MCTP1: variants seen among roughly 807,000 people sequenced by gnomAD.
MCTP1 encodes the protein multiple C2 and transmembrane domain containing 1.
Under a neutral mutation model 120.6 loss-of-function variants are expected in MCTP1, and 69 were observed. That is an observed-to-expected ratio of 0.57 (90% CI 0.47 to 0.70). The LOEUF (loss-of-function observed/expected upper bound fraction) is 0.70. Among genes scored for constraint, MCTP1 ranks in the 30% least tolerant of loss-of-function variants. The probability of loss-of-function intolerance (pLI) is 0.00; values close to 1 mark genes in which losing one functional copy is unlikely to be tolerated. For synonymous variants in MCTP1, 529 were observed against 493.1 expected, an observed-to-expected ratio of 1.07 and a Z score of -0.96; for missense variants, 1,203 against 1,248.8, an observed-to-expected ratio of 0.96 and a Z score of 0.55.
chr5:95,036,351 G>T (rs1841289985), intron 1 of MCTP1, among the ~76,000 whole-genome samples: 1 of 152,120 alleles, frequency 6.6e-6, no homozygotes, highest in Admixed American at 6.6e-5. Flanking sequence ...CAGATGCTTT[G>T]CTTGATGCTA....
chr5:94,909,006 C>CT (rs1289234094), intron 10 of MCTP1, among the ~76,000 whole-genome samples: 1 of 152,028 alleles, frequency 6.6e-6, no homozygotes, highest in Non-Finnish European at 1.5e-5. Flanking sequence ...ACTCCCATAA[C>CT]TTTGACATCT....
intron 1 of MCTP1, among the ~76,000 whole-genome samples, chr5:95,058,745 T>C (rs999811038): frequency 2.6e-5 from 4 of 152,042 alleles, no homozygotes; most frequent in African/African-American, 7.2e-5. Flanking sequence ...TTGTAGATCT[T>C]CCTGCTACAC....
intron 2 of MCTP1, among the ~76,000 whole-genome samples, chr5:95,015,953 T>C (rs2153665254): frequency 6.6e-6 from 1 of 152,208 alleles, no homozygotes. Context: ...CTGAGAGTAC[T>C]TTGAAAACTA....
At chr5:94,858,609 T>C (rs1416778334) in intron 17 of MCTP1, among the ~76,000 whole-genome samples, 2 of 151,674 alleles carry the variant, frequency 1.3e-5, no homozygotes, top group African/African-American at 4.8e-5. Context: ...TTCACCTTTC[T>C]TCTCATTGTT....
chr5:94,721,042 T>C (rs1314075580), intron 19 of MCTP1, among the ~76,000 whole-genome samples: 2 of 152,170 alleles, frequency 1.3e-5, no homozygotes, highest in African/African-American at 2.4e-5. Context: ...CCATATGACC[T>C]TCCTATTCAA....
intron 19 of MCTP1, among the ~76,000 whole-genome samples, chr5:94,724,252 A>G (rs1006111474): frequency 6.6e-6 from 1 of 152,008 alleles, no homozygotes; most frequent in Non-Finnish European, 1.5e-5. Flanking sequence ...AGAACCCCCC[A>G]ACTTTTGCTT....
chr5:94,964,278 A>C (rs1032998357), intron 2 of MCTP1, among the ~76,000 whole-genome samples: 2 of 152,162 alleles, frequency 1.3e-5, no homozygotes, highest in African/African-American at 4.8e-5. Flanking sequence ...TTGTGGCCTA[A>C]CATATGATCT....
chr5:95,196,237 T>C (rs1750380503), intron 1 of MCTP1, among the ~76,000 whole-genome samples: 1 of 152,206 alleles, frequency 6.6e-6, no homozygotes, highest in Non-Finnish European at 1.5e-5. Flanking sequence ...TAAAGATACA[T>C]ATATGTTCCT....
At position 94,704,459 on chromosome 5, in the gene MCTP1, T is replaced by C. The variant is rs917029026; in HGVS notation, c.*3037A>G. 1 of 151,568 alleles carries C rather than the reference T, an allele frequency of 6.6e-6. No individual in the cohort carries two copies. The highest frequency in any genetic ancestry group is 2.1e-4 in the South Asian group (1 of 4,824). The allele number at this position is 151,568 out of a possible 1,614,324, so 9.4% of individuals were successfully genotyped here. ...TGCCTTTGAATAACATTAATACAAA[T>C]GTAGACTACTTTGAGCATAGGAGAC... is the stretch of plus-strand genomic sequence containing the variant. On this transcript the variant is annotated 3_prime_UTR_variant, in exon 23 of 23. Transcript: ENST00000515393.
intron 2 of MCTP1, among the ~76,000 whole-genome samples, chr5:94,959,230 C>T (rs1286816882): frequency 6.6e-6 from 1 of 151,984 alleles, no homozygotes; most frequent in Non-Finnish European, 1.5e-5. Context: ...CCCTTTCATG[C>T]TAAAAACACT....
At chr5:94,803,827 C>T (rs1026170277) in intron 17 of MCTP1, among the ~76,000 whole-genome samples, 4 of 152,126 alleles carry the variant, frequency 2.6e-5, no homozygotes, top group African/African-American at 9.7e-5. Flanking sequence ...GTGATGACCC[C>T]GATTTTTCCA....
intron 1 of MCTP1, among the ~76,000 whole-genome samples, chr5:95,181,490 T>C (rs1325574712): frequency 2.6e-5 from 4 of 152,328 alleles, no homozygotes; most frequent in Admixed American, 2.6e-4. Context: ...GATGACTTTA[T>C]ATAAAAGAGC....
chr5:94,917,896 T>G lies in MCTP1; in HGVS notation c.1350A>C (p.Gln450His). ...ELQNPYCKNV[Q>H]FQTQSLRLSD... ...AAATGAACTGAATGGTTGAACTTACTTGTACATTTTTGCAATAAGGATTCT... is the reference window on the plus strand; with the variant it reads ...AAATGAACTGAATGGTTGAACTTACGTGTACATTTTTGCAATAAGGATTCT... Residue 450 changes from glutamine to histidine, a missense_variant and splice_region_variant, in exon 8 of 23, where the codon CAA (glutamine) becomes CAC (histidine). This residue lies in a region of MCTP1 where 740 missense variants were observed against 871.1 expected (regional missense o/e 0.85). Coordinates refer to ENST00000515393, the MANE Select transcript of MCTP1 (RefSeq NM_024717.7). 6.2e-7 allele frequency: 1 copy of G among 1,612,506 alleles called. No homozygotes were observed. The highest frequency in any genetic ancestry group is 8.5e-7 in the Non-Finnish European group (1 of 1,178,560).
At chr5:95,206,540 T>G (rs1751638868) in intron 1 of MCTP1, among the ~76,000 whole-genome samples, 1 of 152,180 alleles carries the variant, frequency 6.6e-6, no homozygotes, top group South Asian at 2.1e-4. Flanking sequence ...TTTATAGATT[T>G]TGTTTGTTTT....
intron 1 of MCTP1, among the ~76,000 whole-genome samples, chr5:95,120,428 A>G (rs1758139220): frequency 6.6e-6 from 1 of 152,162 alleles, no homozygotes. Flanking sequence ...TGATCCAAAA[A>G]TTCTCAACAA....
intron 2 of MCTP1, among the ~76,000 whole-genome samples, chr5:95,016,535 G>A (rs1318403808): frequency 1.3e-5 from 2 of 151,948 alleles, no homozygotes; most frequent in Admixed American, 1.3e-4. Context: ...ATCCTATGGT[G>A]CCAGAAGCAC....
chr5:94,751,341 GT>G (rs1392049378), intron 19 of MCTP1, among the ~76,000 whole-genome samples: 1 of 151,568 alleles, frequency 6.6e-6, no homozygotes, highest in Non-Finnish European at 1.5e-5. Flanking sequence ...CCAAATCACA[GT>G]TTAATTTCCT....
At chr5:95,094,046 C>T (rs1198935422) in intron 1 of MCTP1, among the ~76,000 whole-genome samples, 2 of 152,192 alleles carry the variant, frequency 1.3e-5, no homozygotes, top group African/African-American at 2.4e-5. Flanking sequence ...TCCTCAAGCC[C>T]CCAGTTGAGT....
chr5:94,852,811 G>A (rs1794008337), intron 17 of MCTP1, among the ~76,000 whole-genome samples: 1 of 151,720 alleles, frequency 6.6e-6, no homozygotes, highest in African/African-American at 2.4e-5. Flanking sequence ...TTCTAGCAAG[G>A]GATGTTACTT....
Sources: gnomAD v4.1 joint callset for allele counts (sites outside exome capture counted in the v4.1 genomes callset) on GRCh38, gnomAD v4.1.1 for gene constraint, gnomAD v4.1.1 regional missense constraint, MANE v1.5 for transcripts, NCBI Gene and HGNC (gene_info 2026-07-23, HGNC 2026-07-21) for gene names.